The following CFAP53 variants were observed in gnomAD, a reference collection of about 807,000 sequenced individuals.
CFAP53 encodes the protein cilia- and flagella-associated protein 53.
Under a neutral mutation model 59.7 loss-of-function variants are expected in CFAP53, and 62 were observed. That is an observed-to-expected ratio of 1.04 (90% CI 0.85 to 1.28). The LOEUF is 1.28. CFAP53 is among the 50% of genes most tolerant of loss of function. The probability of loss-of-function intolerance (pLI) is 0.00; values close to 1 mark genes in which losing one functional copy is unlikely to be tolerated. For synonymous variants in CFAP53, 218 were observed against 205.7 expected (o/e 1.06, Z -0.51); for missense variants, 629 against 615.6 (o/e 1.02, Z -0.23).
At chr18:50,266,047 A>G (rs1170667991) in intron 1 of CFAP53, among the ~76,000 whole-genome samples, 1 of 152,034 alleles carries the variant, frequency 6.6e-6, no homozygotes, top group South Asian at 2.1e-4. Context: ...AGACTGAAAA[A>G]CCCTAAGATC....
At chr18:50,240,814 C>G (rs2144410502) in intron 6 of CFAP53, among the ~76,000 whole-genome samples, 1 of 152,334 alleles carries the variant, frequency 6.6e-6, no homozygotes. Flanking sequence ...TGAGCTTCCT[C>G]TTGCAAAGAC....
At chr18:50,256,568 T>G (rs1417986213) in intron 3 of CFAP53, 1 of 152,190 alleles carries the variant, frequency 6.6e-6, no homozygotes, top group African/African-American at 2.4e-5. Context: ...TTCCCTCTCC[T>G]TTTGAGAGGG....
chr18:50,232,556 G>A lies in CFAP53; in HGVS notation c.1317-4947C>T, dbSNP rs76230428. 6.3e-3 allele frequency among the ~76,000 whole-genome samples: 964 copies of A among 152,308 alleles called. 8 individuals are homozygous for A. The highest frequency in any genetic ancestry group is 0.022 in the African/African-American group (910 of 41,562). On this transcript the variant is annotated intron_variant, in intron 7 of 7. Transcript: ENST00000398545. Reference sequence around the variant, plus strand: ...CAGTGGAATAAATTTTAAAAGCCCTGCCTGGCTTACTCTCTCTGCCACAAG... The same window carrying A: ...CAGTGGAATAAATTTTAAAAGCCCTACCTGGCTTACTCTCTCTGCCACAAG...
At chr18:50,233,881 C>T (rs1218022285) in intron 7 of CFAP53, among the ~76,000 whole-genome samples, 3 of 152,188 alleles carry the variant, frequency 2.0e-5, no homozygotes, top group Non-Finnish European at 2.9e-5. Context: ...ACACCAAAAA[C>T]ACAGGTTTAG....
At chr18:50,259,460 G>C (rs370798422) in intron 3 of CFAP53, among the ~76,000 whole-genome samples, 2 of 151,586 alleles carry the variant, frequency 1.3e-5, no homozygotes, top group Non-Finnish European at 2.9e-5. Context: ...GAAGGATAGT[G>C]GGGGGTTGGG....
Position 50,261,144 on chromosome 18 carries a change from T to C in CFAP53, c.393A>G (p.Arg131=), listed in dbSNP as rs1403034622. 1 of 1,598,320 alleles carries C rather than the reference T, an allele frequency of 6.3e-7. No individual in the cohort carries two copies. The highest frequency in any genetic ancestry group is 1.4e-5 in the African/African-American group (1 of 73,866). The part of the protein sequence containing the change: ...ETIEEKKDRM[R]EKTKLLKEKN... ...TCTCTTTTAGTAATTTAGTTTTCTCTCTCATCCTATCTTTTTTCTCCTCAA... is the reference window on the plus strand; with the variant it reads ...TCTCTTTTAGTAATTTAGTTTTCTCCCTCATCCTATCTTTTTTCTCCTCAA... Residue 131 remains arginine, a synonymous_variant, in exon 3 of 8, where the codon AGA becomes AGG. Transcript: ENST00000398545.
intron 3 of CFAP53, chr18:50,256,469 G>A (rs1192241333): frequency 6.6e-6 from 1 of 152,190 alleles, no homozygotes; most frequent in Non-Finnish European, 1.5e-5. Context: ...GCCAAGGAGG[G>A]TGGCAAGTCG....
chr18:50,251,705 C>T lies in CFAP53; in HGVS notation c.553G>A (p.Ala185Thr), dbSNP rs914968127. 13 of 1,614,108 alleles carry T rather than the reference C, an allele frequency of 8.1e-6. No homozygotes were observed. In the African/African-American group the frequency reaches 1.6e-4, roughly 20 times the overall value. ...KVCEERKAQI[A>T]FNEELSRQKL... is the part of the protein sequence containing the mutation. ...TGCCTGCTCAGCTCCTCATTAAATG[C>T]AATCTGTGCTTTCCGCTCCTCACAC... is the stretch of plus-strand genomic sequence containing the variant. Residue 185 changes from alanine to threonine, a missense_variant, in exon 4 of 8, where the codon GCA becomes ACA. Physicochemically the swap from Ala to Thr is moderately conservative, Grantham distance 58. Transcript: ENST00000398545.
At chr18:50,246,110 A>G (rs1568154762) in intron 5 of CFAP53, among the ~76,000 whole-genome samples, 1 of 152,046 alleles carries the variant, frequency 6.6e-6, no homozygotes, top group Non-Finnish European at 1.5e-5. Context: ...GGCTGGTCTC[A>G]AACTCCTGAC....
chr18:50,256,765 A>G (rs2033850125), intron 3 of CFAP53, among the ~76,000 whole-genome samples: 3 of 151,764 alleles, frequency 2.0e-5, no homozygotes. Context: ...CCCTCCACAG[A>G]TGTCATTTTG....
chr18:50,231,921 T>C (rs1377475493), intron 7 of CFAP53, among the ~76,000 whole-genome samples: 12 of 152,164 alleles, frequency 7.9e-5, no homozygotes, highest in Admixed American at 4.6e-4. Flanking sequence ...AGTTTTCCCT[T>C]ACCCACCCCC....
intron 7 of CFAP53, among the ~76,000 whole-genome samples, chr18:50,231,098 C>T (rs529785481): frequency 1.6e-3 from 234 of 146,446 alleles, no homozygotes; most frequent in Middle Eastern, 0.01. Flanking sequence ...ACATCAAATG[C>T]TTCGATTTAT....
At position 50,250,995 on chromosome 18, in the gene CFAP53, A is replaced by G. The variant is rs1343422074; in HGVS notation, c.778-19T>C. ...TACTTTCCTAAGGTAGAATCATAATAAAGATAATGCATCAGTACAGTTGGA... is the reference window on the plus strand; with the variant it reads ...TACTTTCCTAAGGTAGAATCATAATGAAGATAATGCATCAGTACAGTTGGA... On this transcript the variant is annotated intron_variant, in intron 4 of 7. Coordinates refer to ENST00000398545, the MANE Select transcript of CFAP53 (RefSeq NM_145020.5). The G allele has an allele frequency of 2.5e-6, 4 of 1,592,006 alleles. No homozygotes were observed. The highest frequency in any genetic ancestry group is 2.6e-6 in the Non-Finnish European group (3 of 1,160,750).
chr18:50,259,578 C>T (rs925446976), intron 3 of CFAP53, among the ~76,000 whole-genome samples: 1 of 151,726 alleles, frequency 6.6e-6, no homozygotes, highest in East Asian at 2.0e-4. Flanking sequence ...TAATTACAGG[C>T]GTGTGCCACC....
intron 1 of CFAP53, among the ~76,000 whole-genome samples, chr18:50,262,901 G>A (rs1371402801): frequency 1.3e-5 from 2 of 152,116 alleles, no homozygotes; most frequent in Non-Finnish European, 2.9e-5. Flanking sequence ...ATGGTGCCCA[G>A]AAGTTTTAAT....
At position 50,257,065 on chromosome 18, in the gene CFAP53, G is replaced by T. The variant is rs549035637; in HGVS notation, c.473+3999C>A. Among the ~76,000 whole-genome samples the T allele has an allele frequency of 8.6e-5, 13 of 151,760 alleles. No individual in the cohort carries two copies. The South Asian group carries it at 2.7e-3, about 32-fold the overall frequency. Reference sequence around the variant, plus strand: ...ATGGCTATGTTTTAAACACTTCCAGGTAATATTTTGGACTGTAAAAATCCC... The same window carrying T: ...ATGGCTATGTTTTAAACACTTCCAGTTAATATTTTGGACTGTAAAAATCCC... On this transcript the variant is annotated intron_variant, in intron 3 of 7. Transcript: ENST00000398545.
chr18:50,266,313 T>G, intron 1 of CFAP53, 23 bp downstream of exon 1: 1 of 1,612,430 alleles, frequency 6.2e-7, no homozygotes, highest in Non-Finnish European at 8.5e-7. Context: ...CTGTAGGGTC[T>G]GGCAGACATA....
intron 6 of CFAP53, among the ~76,000 whole-genome samples, chr18:50,241,129 G>C (rs1033065116): frequency 1.8e-4 from 28 of 152,194 alleles, no homozygotes; most frequent in African/African-American, 6.8e-4. Flanking sequence ...ATTTCCAAGA[G>C]ACAAAGGTCA....
intron 3 of CFAP53, among the ~76,000 whole-genome samples, 156 bp from the exon 4 acceptor site, chr18:50,251,940 G>A (rs529877572): frequency 6.6e-6 from 1 of 152,240 alleles, no homozygotes; most frequent in South Asian, 2.1e-4. Context: ...CAGCAGGGAG[G>A]GCAAGCACCA....
Sources: allele counts gnomAD v4.1 joint callset (sites outside exome capture counted in the v4.1 genomes callset), GRCh38; gene constraint gnomAD v4.1.1; transcripts MANE v1.5; gene names NCBI Gene and HGNC (gene_info 2026-07-23, HGNC 2026-07-21).